The following LMBRD2 variants were observed in gnomAD, a reference collection of about 807,000 sequenced individuals.
The protein encoded by LMBRD2 is G protein-coupled receptor-associated protein LMBRD2.
In LMBRD2, 55 loss-of-function variants were observed where a neutral mutation model predicts 94.4. The ratio of observed to expected loss-of-function variants is 0.58; its 90% CI spans 0.47 to 0.73. The LOEUF (loss-of-function observed/expected upper bound fraction) is 0.73. Ranked by LOEUF, LMBRD2 falls within the 30% of genes least tolerant of loss-of-function variation. The pLI is 0.00. For missense variants in LMBRD2, 640 were observed against 831.9 expected, an observed-to-expected ratio of 0.77 and a Z score of 2.84; for synonymous variants, 246 against 272.4, an observed-to-expected ratio of 0.90 and a Z score of 0.95.
rs1743412444 is a variant in LMBRD2 at position 36,104,205 on chromosome 5, T to C, written c.2028-99A>G. The C allele has an allele frequency of 3.3e-6, 3 of 899,604 alleles. No individual in the cohort carries two copies. The South Asian group carries it at 4.3e-5, about 13-fold the overall frequency. 55.7% of individuals were successfully genotyped at this position (899,604 alleles called of 1,614,324 possible). ...TAAAAGGGAGTGGCCATATAATTTG[T>C]AAGTACTGTAAAATCTAGTCAGTAG... On this transcript the variant is annotated intron_variant, in intron 17 of 17. Coordinates refer to ENST00000296603, the MANE Select transcript of LMBRD2 (RefSeq NM_001007527.2).
At chr5:36,140,458 G>C (rs267762) in intron 4 of LMBRD2, among the ~76,000 whole-genome samples, 2,199 of 152,272 alleles carry the variant, frequency 0.014, 55 homozygotes, top group African/African-American at 0.05. Context: ...TGGCCATAGA[G>C]GTTTCCAGCT....
At chr5:36,144,139 TAC>T (rs1184194165) in intron 1 of LMBRD2, among the ~76,000 whole-genome samples, 3 of 152,180 alleles carry the variant, frequency 2.0e-5, no homozygotes, top group Non-Finnish European at 4.4e-5. Context: ...AATTTTATGA[TAC>T]AGTCATCAGC....
At chr5:36,142,220 T>G (rs1031131122) in intron 3 of LMBRD2, among the ~76,000 whole-genome samples, 7 of 152,182 alleles carry the variant, frequency 4.6e-5, no homozygotes, top group African/African-American at 1.7e-4. Flanking sequence ...GTTTTAGAAA[T>G]TACATACTTG....
rs745846088 is a variant in LMBRD2, at chr5:36,108,564, A to C, written c.1867T>G (p.Ser623Ala). ...NRNIHTDPKE[S>A]NFSDVNTNRS... is the part of the protein sequence containing the mutation. ...TTGGTATTAACATCTGAGAAGTTTG[A>C]CTCTTTGGGGTCAGTATGAATATTT... The change falls in exon 16 of 18, where the codon TCA becomes GCA. Residue 623 changes from serine to alanine, a missense_variant. By Grantham distance (99) the Ser-to-Ala change is moderately conservative. Transcript: ENST00000296603. 6.9e-6 allele frequency: 11 copies of C among 1,589,724 alleles called. No individual in the cohort carries two copies. Among genetic ancestry groups the C allele is most frequent in the Non-Finnish European group, 6.9e-6 (8 of 1,163,326 alleles).
chr5:36,141,159 T>C lies in LMBRD2; in HGVS notation c.316A>G (p.Ile106Val). ...FKPWSYIPDGIMPIFWRVVYW... is the reference protein window; with the variant it reads ...FKPWSYIPDGVMPIFWRVVYW... Reference sequence around the variant, plus strand: ...ACTACCCTCCAGAAAATTGGCATGATTCCATCAGGAATGTAACTCCATGGC... The same window carrying C: ...ACTACCCTCCAGAAAATTGGCATGACTCCATCAGGAATGTAACTCCATGGC... Residue 106 changes from isoleucine (I) to valine (V), a missense_variant, in exon 4 of 18, where the codon ATC becomes GTC. By Grantham distance (29) the Ile-to-Val change is conservative. Around this residue, in one of 2 missense-constraint regions of LMBRD2, gnomAD observed 457 missense variants for 642.8 expected, o/e 0.71. Coordinates refer to ENST00000296603, the MANE Select transcript of LMBRD2 (RefSeq NM_001007527.2). The C allele has an allele frequency of 6.2e-7, 1 of 1,612,082 alleles. No individual in the cohort carries two copies. The highest frequency in any genetic ancestry group is 8.5e-7 in the Non-Finnish European group (1 of 1,178,646).
chr5:36,125,202 A>G (rs181403939), intron 6 of LMBRD2, among the ~76,000 whole-genome samples: 36 of 152,330 alleles, frequency 2.4e-4, no homozygotes, highest in African/African-American at 8.2e-4. Context: ...ACAATATTCT[A>G]TAATATTCAT....
chr5:36,146,921 CGTGTGTGTGTGTGTGTGTGA>C (rs1408580412), intron 1 of LMBRD2, among the ~76,000 whole-genome samples: 2 of 74,948 alleles, frequency 2.7e-5, no homozygotes, highest in Non-Finnish European at 3.6e-5. Flanking sequence ...TCTCTCTCTG[CGTGTGTGTGTGTGTGTGTGA>C]GTGTGTGTGT....
At position 36,151,170 on chromosome 5, in the gene LMBRD2, G is replaced by T. The variant is rs1034525278; in HGVS notation, c.-58+386C>A. Among the ~76,000 whole-genome samples, 12 of 152,194 alleles carry T rather than the reference G, an allele frequency of 7.9e-5. No homozygotes were observed. Among genetic ancestry groups the T allele is most frequent in the Admixed American group, 5.2e-4 (8 of 15,284 alleles). Reference sequence around the variant, plus strand: ...GGCTGAAAGCAGCTCGCTTTTAGGCGGCGACGCAAACACACGTAGCCAGCT... The same window carrying T: ...GGCTGAAAGCAGCTCGCTTTTAGGCTGCGACGCAAACACACGTAGCCAGCT... On this transcript the variant is annotated intron_variant, in intron 1 of 17. Transcript: ENST00000296603. This position sits in a 1 kb window ranked among gnomAD's most constrained non-coding sequence, Gnocchi z 4.7.
intron 16 of LMBRD2, among the ~76,000 whole-genome samples, chr5:36,106,634 T>C (rs1448611602): frequency 6.6e-6 from 1 of 151,186 alleles, no homozygotes; most frequent in Non-Finnish European, 1.5e-5. Context: ...TTCAGCCTCC[T>C]GAGTAGCTGG....
intron 1 of LMBRD2, among the ~76,000 whole-genome samples, chr5:36,148,746 T>C (rs1390346409): frequency 6.6e-6 from 1 of 152,216 alleles, no homozygotes; most frequent in African/African-American, 2.4e-5. Context: ...GGGATTCAAA[T>C]AGAGGCATCT....
At chr5:36,128,810 A>G (rs777740806) in intron 6 of LMBRD2, among the ~76,000 whole-genome samples, 7 of 152,232 alleles carry the variant, frequency 4.6e-5, no homozygotes, top group Non-Finnish European at 7.3e-5. Context: ...CAGAGAATTC[A>G]AAATAGCTGT....
rs545002847 is a variant in LMBRD2 at position 36,099,822 on chromosome 5, C to A, written c.*4224G>T. On this transcript the variant is annotated 3_prime_UTR_variant, in exon 18 of 18. Coordinates refer to ENST00000296603, the MANE Select transcript of LMBRD2 (RefSeq NM_001007527.2). ...GAAGAGGAACATGCCAATATCCTTG[C>A]TTTATTAACAGATTTAAAATTTACA... 1 of 152,206 alleles carries A rather than the reference C, an allele frequency of 6.6e-6. No individual in the cohort carries two copies. Among genetic ancestry groups the A allele is most frequent in the African/African-American group, 2.4e-5 (1 of 41,536 alleles). The allele number at this position is 152,206 out of a possible 1,614,324, so 9.4% of individuals were successfully genotyped here.
At chr5:36,107,823 G>A (rs1436051650) in intron 16 of LMBRD2, among the ~76,000 whole-genome samples, 1 of 152,166 alleles carries the variant, frequency 6.6e-6, no homozygotes, top group Non-Finnish European at 1.5e-5. Context: ...CTGAGTGGGT[G>A]AGAGTGCTCA....
chr5:36,116,317 T>G (rs1581046287), intron 11 of LMBRD2, 143 bp downstream of exon 11: 2 of 811,488 alleles, frequency 2.5e-6, no homozygotes, highest in South Asian at 3.3e-5. Context: ...TCAACAAACA[T>G]CAATTTAATA....
In LMBRD2 at chr5:36,102,441, G is replaced by C. The variant is rs1163032786; in HGVS notation, c.*1605C>G. 6.6e-6 allele frequency: 1 copy of C among 151,664 alleles called. No individual in the cohort carries two copies. Among genetic ancestry groups the C allele is most frequent in the Admixed American group, 6.6e-5 (1 of 15,216 alleles). 9.4% of individuals were successfully genotyped at this position (151,664 alleles called of 1,614,324 possible). On this transcript the variant is annotated 3_prime_UTR_variant, in exon 18 of 18. Coordinates refer to ENST00000296603, the MANE Select transcript of LMBRD2 (RefSeq NM_001007527.2). ...TCTGCTCCTGGCTTATTGCTTTCTG[G>C]CCACACTTCACATGAAAAGACTGTA...
rs114435266 is a variant in LMBRD2, at chr5:36,121,964, C to T, written c.1120+316G>A. 1.3e-3 allele frequency among the ~76,000 whole-genome samples: 200 copies of T among 152,222 alleles called. 1 individual carries two copies. Among genetic ancestry groups the T allele is most frequent in the African/African-American group, 4.7e-3 (194 of 41,530 alleles). ...GCAGTGATGAAATTGCCTAACAATA[C>T]ATTTCTCAGAGTAATCCCAGTCATT... On this transcript the variant is annotated intron_variant, in intron 9 of 17. Transcript: ENST00000296603.
chr5:36,126,414 A>C (rs1177518729), intron 6 of LMBRD2, among the ~76,000 whole-genome samples: 2 of 152,226 alleles, frequency 1.3e-5, no homozygotes, highest in African/African-American at 4.8e-5. Flanking sequence ...CATGGAAAGT[A>C]TTTGAAATAT....
At chr5:36,142,011 AT>A (rs1415498746) in intron 3 of LMBRD2, among the ~76,000 whole-genome samples, 2 of 152,216 alleles carry the variant, frequency 1.3e-5, no homozygotes, top group African/African-American at 4.8e-5. Flanking sequence ...AAAGTTCGAT[AT>A]GAATTCAATA....
At chr5:36,134,485 CTAAGTTAAGAT>C (rs901662488) in intron 6 of LMBRD2, among the ~76,000 whole-genome samples, 4 of 152,014 alleles carry the variant, frequency 2.6e-5, no homozygotes, top group African/African-American at 4.8e-5. Flanking sequence ...ATTTAATTAG[CTAAGTTAAGAT>C]GAGGTTATAC....
Sources: gnomAD v4.1 joint callset for allele counts (sites outside exome capture counted in the v4.1 genomes callset) on GRCh38, gnomAD v4.1.1 for gene constraint, gnomAD v4.1.1 regional missense constraint, Gnocchi (gnomAD v3.1) non-coding constraint, MANE v1.5 for transcripts, NCBI Gene and HGNC (gene_info 2026-07-23, HGNC 2026-07-21) for gene names.